Variants in CSNK2A2 observed in about 807,000 individuals in gnomAD.
CSNK2A2 encodes the protein casein kinase 2 alpha 2.
CSNK2A2 carries 8 observed loss-of-function variants against 54.0 expected under a neutral mutation model. The ratio of observed to expected loss-of-function variants is 0.15; its 90% CI spans 0.09 to 0.27. CSNK2A2 has a LOEUF of 0.27. CSNK2A2 is among the 10% of genes least tolerant of loss of function. CSNK2A2 has a pLI of 1.00. For missense variants in CSNK2A2, 242 were observed against 439.4 expected (o/e 0.55, Z 4.02); for synonymous variants, 141 against 153.9 (o/e 0.92, Z 0.62).
At chr16:58,170,224 T>C (rs1205490768) in intron 5 of CSNK2A2, among the ~76,000 whole-genome samples, 1 of 151,364 alleles carries the variant, frequency 6.6e-6, no homozygotes, top group Non-Finnish European at 1.5e-5. Context: ...CTTGAGCTTG[T>C]CTGTAGTCAA....
intron 10 of CSNK2A2, among the ~76,000 whole-genome samples, chr16:58,164,562 T>C (rs1299340809): frequency 6.6e-6 from 1 of 152,124 alleles, no homozygotes; most frequent in Non-Finnish European, 1.5e-5. Flanking sequence ...TAAGCAACCG[T>C]AGTTTGAAAT....
At chr16:58,195,462 T>G (rs1377465010) in intron 2 of CSNK2A2, among the ~76,000 whole-genome samples, 5 of 152,232 alleles carry the variant, frequency 3.3e-5, no homozygotes, top group South Asian at 4.2e-4. Flanking sequence ...CCAGCTGCCC[T>G]AGCACACAGA....
intron 2 of CSNK2A2, among the ~76,000 whole-genome samples, chr16:58,194,690 G>A (rs1341970658): frequency 2.6e-5 from 4 of 152,132 alleles, no homozygotes; most frequent in Non-Finnish European, 5.9e-5. Flanking sequence ...CAGGAGTTCT[G>A]GCTAATGGTC....
intron 5 of CSNK2A2, among the ~76,000 whole-genome samples, chr16:58,169,447 T>G (rs1397933055): frequency 6.6e-6 from 1 of 151,964 alleles, no homozygotes; most frequent in African/African-American, 2.4e-5. Context: ...GGAGAACTGC[T>G]TGAACCTGGG....
chr16:58,192,677 C>T (rs897568964), intron 2 of CSNK2A2: 2 of 152,228 alleles, frequency 1.3e-5, no homozygotes, highest in Admixed American at 1.3e-4. Flanking sequence ...AACGAATTAA[C>T]TTCATTTGAC....
intron 2 of CSNK2A2, among the ~76,000 whole-genome samples, chr16:58,196,334 GCA>G (rs1338168807): frequency 2.0e-5 from 3 of 152,202 alleles, no homozygotes; most frequent in Non-Finnish European, 2.9e-5. Flanking sequence ...CGTCGGCTGG[GCA>G]CAGTGGCTCA....
At chr16:58,194,952 A>G (rs57474112) in intron 2 of CSNK2A2, among the ~76,000 whole-genome samples, 10,659 of 151,910 alleles carry the variant, frequency 0.07, 476 homozygotes, top group South Asian at 0.21. Context: ...ACAGAAAATC[A>G]TACACTTATT....
intron 9 of CSNK2A2, 123 bp from the exon 10 acceptor site, chr16:58,165,831 A>C: frequency 9.7e-7 from 1 of 1,031,914 alleles, no homozygotes; most frequent in East Asian, 2.7e-5. Context: ...TAAATCTCTA[A>C]CTGGTGCCTG....
At chr16:58,178,579 G>A (rs1319349018) in intron 4 of CSNK2A2, among the ~76,000 whole-genome samples, 1 of 152,176 alleles carries the variant, frequency 6.6e-6, no homozygotes, top group Admixed American at 6.5e-5. Context: ...ACCGCACCCG[G>A]CCTGAGACAC....
At chr16:58,173,594 T>C (rs917338254) in intron 5 of CSNK2A2, among the ~76,000 whole-genome samples, 3 of 152,196 alleles carry the variant, frequency 2.0e-5, no homozygotes, top group African/African-American at 7.2e-5. Flanking sequence ...TTGGGATTAG[T>C]AAGTCTCTTA....
intron 4 of CSNK2A2, among the ~76,000 whole-genome samples, chr16:58,181,466 C>A (rs1962039848): frequency 6.6e-6 from 1 of 152,162 alleles, no homozygotes; most frequent in Admixed American, 6.5e-5. Flanking sequence ...GAGACAGGGG[C>A]TGATGGTTCT....
At chr16:58,168,550 G>T in intron 6 of CSNK2A2, 60 bp downstream of exon 6, 1 of 1,448,694 alleles carries the variant, frequency 6.9e-7, no homozygotes, top group South Asian at 1.2e-5. Context: ...GCACTGGACA[G>T]CTTTTTGGTC....
chr16:58,181,453 C>A (rs1962039253), intron 4 of CSNK2A2, among the ~76,000 whole-genome samples: 2 of 152,180 alleles, frequency 1.3e-5, no homozygotes, highest in African/African-American at 4.8e-5. Flanking sequence ...AGCCTGCATC[C>A]TTGAGACAGG....
chr16:58,190,208 T>C (rs930148476), intron 2 of CSNK2A2, among the ~76,000 whole-genome samples: 2 of 152,044 alleles, frequency 1.3e-5, no homozygotes, highest in African/African-American at 4.8e-5. Context: ...GTTTAGCTAT[T>C]GTCCAAACCA....
At chr16:58,164,796 C>T (rs779337014) in intron 10 of CSNK2A2, among the ~76,000 whole-genome samples, 44 of 152,174 alleles carry the variant, frequency 2.9e-4, no homozygotes, top group Non-Finnish European at 5.4e-4. Context: ...CTCAAGACTA[C>T]AGCGACACAT....
At chr16:58,179,083 TA>T (rs1188634575) in intron 4 of CSNK2A2, among the ~76,000 whole-genome samples, 1 of 152,234 alleles carries the variant, frequency 6.6e-6, no homozygotes, top group Non-Finnish European at 1.5e-5. Flanking sequence ...TTTGGTATAC[TA>T]AAAGTATTGT....
chr16:58,158,525 T>A (rs1961218595), intron 11 of CSNK2A2, among the ~76,000 whole-genome samples, 172 bp from the exon 12 acceptor site: 1 of 152,210 alleles, frequency 6.6e-6, no homozygotes, highest in South Asian at 2.1e-4. Flanking sequence ...CAGTACCCTC[T>A]GCCTTCCTCT....
intron 5 of CSNK2A2, among the ~76,000 whole-genome samples, chr16:58,169,736 T>G (rs1490588674): frequency 6.6e-6 from 1 of 152,112 alleles, no homozygotes; most frequent in Non-Finnish European, 1.5e-5. Flanking sequence ...ATATAATCCC[T>G]GAGCCAGCTA....
intron 2 of CSNK2A2, among the ~76,000 whole-genome samples, chr16:58,187,202 A>G (rs866234252): frequency 6.6e-6 from 1 of 151,460 alleles, no homozygotes; most frequent in East Asian, 1.9e-4. Flanking sequence ...GAACAGCTGT[A>G]TATCATGCAC....
Sources: allele counts gnomAD v4.1 joint callset (sites outside exome capture counted in the v4.1 genomes callset), GRCh38; gene constraint gnomAD v4.1.1; transcripts MANE v1.5; gene names NCBI Gene and HGNC (gene_info 2026-07-23, HGNC 2026-07-21).